MUC5AC: variants seen among roughly 807,000 people sequenced by gnomAD.
MUC5AC encodes the protein mucin 5AC, oligomeric mucus/gel-forming.
In MUC5AC, 158 loss-of-function variants were observed where a neutral mutation model predicts 169.7. The ratio of observed to expected loss-of-function variants is 0.93; its 90% CI spans 0.82 to 1.06. The LOEUF is 1.06. Among genes scored for constraint, MUC5AC ranks in the 50% least tolerant of loss-of-function variants. MUC5AC has a pLI of 0.00. For missense variants in MUC5AC, 4,359 were observed against 3,089.9 expected, an observed-to-expected ratio of 1.41 and a Z score of -9.74; for synonymous variants, 1,975 against 1,237.0, an observed-to-expected ratio of 1.60 and a Z score of -12.52.
intron 9 of MUC5AC, 27 bp from the exon 10 acceptor site, chr11:1,165,275 C>G: frequency 1.9e-6 from 3 of 1,593,362 alleles, no homozygotes; most frequent in Non-Finnish European, 2.6e-6. Context: ...AGCAGGCGCC[C>G]GTCATAGGCC....
At chr11:1,178,419 T>C in intron 24 of MUC5AC, 25 bp from the exon 25 acceptor site, 1 of 517,210 alleles carries the variant, frequency 1.9e-6, no homozygotes, top group Non-Finnish European at 3.1e-6. Context: ...TGCACCCACC[T>C]CCACCTCTCC....
intron 11 of MUC5AC, among the ~76,000 whole-genome samples, chr11:1,166,480 A>C (rs1860337301): frequency 7.9e-6 from 1 of 126,562 alleles, no homozygotes; most frequent in African/African-American, 3.2e-5. Flanking sequence ...CACCCAACAC[A>C]CAGTCTCTCC....
intron 24 of MUC5AC, 129 bp downstream of exon 24, chr11:1,177,762 A>C: frequency 1.1e-5 from 4 of 361,030 alleles, no homozygotes; most frequent in East Asian, 4.1e-5. Context: ...CGGGGTGGGA[A>C]GTGGGGGGGA....
intron 6 of MUC5AC, 31 bp from the exon 7 acceptor site, chr11:1,163,851 C>T: frequency 6.5e-7 from 1 of 1,540,234 alleles, no homozygotes. Flanking sequence ...CCGGGACCTG[C>T]AGGCAGAGCC....
intron 6 of MUC5AC, among the ~76,000 whole-genome samples, chr11:1,163,579 G>A (rs924644297): frequency 2.0e-5 from 3 of 152,186 alleles, no homozygotes; most frequent in Non-Finnish European, 4.4e-5. Flanking sequence ...CAGCCAGCCT[G>A]GCAGGAGGAG....
intron 11 of MUC5AC, among the ~76,000 whole-genome samples, chr11:1,167,360 A>G (rs1466379648): frequency 6.6e-6 from 1 of 150,748 alleles, no homozygotes; most frequent in Non-Finnish European, 1.5e-5. Flanking sequence ...ACAGTCTCCC[A>G]CAATGAGACC....
At chr11:1,162,448 C>G (rs1860171516) in intron 4 of MUC5AC, 84 bp from the exon 5 acceptor site, 2 of 1,263,710 alleles carry the variant, frequency 1.6e-6, no homozygotes, top group Non-Finnish European at 2.3e-6. Flanking sequence ...ATGACCGTGT[C>G]ACATTTGCGA....
In MUC5AC at chr11:1,199,869, G is replaced by A; in HGVS notation, c.16600G>A (p.Val5534Met). 1 of 764,176 alleles carries A rather than the reference G, an allele frequency of 1.3e-6. No homozygotes were observed. The highest frequency in any genetic ancestry group is 1.3e-5 in the South Asian group (1 of 74,376). 47.3% of individuals were successfully genotyped at this position (764,176 alleles called of 1,614,324 possible). A position where few individuals can be genotyped will look rare whatever the true frequency, so the allele number is the denominator to read the frequency against. ...TTCCTCTCCAGAGTCGACCTGTGCT[G>A]TGTACCATAGGAGCCTGATCATCCA... ...PPYQNQSTCA[V>M]YHRSLIIQQQ... The change falls in exon 48 of 49, where the codon GTG becomes ATG. Residue 5534 changes from valine (V) to methionine (M), a missense_variant. Transcript: ENST00000621226.
rs1860869299 is a variant in MUC5AC at position 1,183,938 on chromosome 11, G to A, written c.5793G>A (p.Pro1931=). ...TSTSSMSTTA[P]GTSVVSSKPT... ...CATCATCCATGTCGACCACGGCCCC[G>A]GGGACCTCTGTGGTCTCCAGCAAGC... is the stretch of plus-strand genomic sequence containing the variant. The change falls in exon 31 of 49, where the codon CCG becomes CCA. Residue 1931 remains proline (P), a synonymous_variant. Coordinates refer to ENST00000621226, the MANE Select transcript of MUC5AC (RefSeq NM_001304359.2). 3 of 397,466 alleles carry A rather than the reference G, an allele frequency of 7.5e-6. No individual in the cohort carries two copies. Among genetic ancestry groups the A allele is most frequent in the East Asian group, 3.6e-5 (1 of 28,020 alleles). The allele number at this position is 397,466 out of a possible 1,614,324, so 24.6% of individuals were successfully genotyped here. A position where few individuals can be genotyped will look rare whatever the true frequency, so the allele number is the denominator to read the frequency against.
intron 28 of MUC5AC, among the ~76,000 whole-genome samples, chr11:1,180,734 G>A (rs1860798067): frequency 6.6e-6 from 1 of 151,636 alleles, no homozygotes; most frequent in Non-Finnish European, 1.5e-5. Context: ...TGGGTGTAGG[G>A]CTCCTCTGGG....
In MUC5AC at chr11:1,167,956, G is replaced by A; in HGVS notation, c.1466G>A (p.Ser489Asn). Residue 489 changes from serine (S) to asparagine (N), a missense_variant, in exon 12 of 49, where the codon AGC (serine) becomes AAC (asparagine). By Grantham distance (46) the Ser-to-Asn change is conservative. Transcript: ENST00000621226. Reference sequence around the variant, plus strand: ...ACGGACAGCGAGACCTGCCTGAAGAGCGTGACACTGAGCCTGGATGGGGCG... The same window carrying A: ...ACGGACAGCGAGACCTGCCTGAAGAACGTGACACTGAGCCTGGATGGGGCG... ...GLTDSETCLK[S>N]VTLSLDGAQT... 6.4e-7 allele frequency: 1 copy of A among 1,550,850 alleles called. No individual in the cohort carries two copies. The highest frequency in any genetic ancestry group is 8.7e-7 in the Non-Finnish European group (1 of 1,147,380).
At chr11:1,173,638 A>T (rs1003177077) in intron 16 of MUC5AC, among the ~76,000 whole-genome samples, 99 of 149,942 alleles carry the variant, frequency 6.6e-4, no homozygotes, top group African/African-American at 2.4e-3. Context: ...CCACTCACTC[A>T]TCCACTCACT....
intron 26 of MUC5AC, among the ~76,000 whole-genome samples, chr11:1,179,641 CGGAG>C (rs1172890567): frequency 2.4e-5 from 3 of 122,898 alleles, no homozygotes; most frequent in African/African-American, 8.6e-5. Context: ...GCGTGGCTGA[CGGAG>C]GGGTCCCTGG....
rs546829482 is a variant in MUC5AC, at chr11:1,167,920, G to A, written c.1430G>A (p.Arg477Lys). Residue 477 changes from arginine (R) to lysine (K), a missense_variant, in exon 12 of 49, where the codon AGG becomes AAG. Arg to Lys is a conservative substitution (Grantham distance 26, BLOSUM62 2). Transcript: ENST00000621226. ...TTCACTGTACTGGCTGAGCTGCGCAGGTGCGGGCTGACGGACAGCGAGACC... is the reference window on the plus strand; with the variant it reads ...TTCACTGTACTGGCTGAGCTGCGCAAGTGCGGGCTGACGGACAGCGAGACC... ...SAFTVLAELRRCGLTDSETCL... is the reference protein window; with the variant it reads ...SAFTVLAELRKCGLTDSETCL... 7.4e-5 allele frequency: 114 copies of A among 1,550,696 alleles called. No individual in the cohort carries two copies. The highest frequency in any genetic ancestry group is 9.5e-5 in the Non-Finnish European group (109 of 1,147,198).
chr11:1,200,760 G>A lies in MUC5AC; in HGVS notation c.*58G>A, dbSNP rs1328666579. ...AACCTCCCATATGTCCTCTGAGCTC[G>A]GCTTCCAAGGCCAGTGGAACTTGTG... On this transcript the variant is annotated 3_prime_UTR_variant, in exon 49 of 49. Transcript: ENST00000621226. The A allele has an allele frequency of 1.5e-6, 1 of 669,430 alleles. No individual in the cohort carries two copies. Among genetic ancestry groups the A allele is most frequent in the Non-Finnish European group, 2.7e-6 (1 of 368,948 alleles). 41.5% of individuals were successfully genotyped at this position (669,430 alleles called of 1,614,324 possible).
chr11:1,160,410 G>T (rs1860103570), intron 1 of MUC5AC, among the ~76,000 whole-genome samples: 1 of 152,010 alleles, frequency 6.6e-6, no homozygotes, highest in Non-Finnish European at 1.5e-5. Context: ...GCTCCTGGAG[G>T]GTCTGGGCTC....
At chr11:1,160,221 G>A (rs1339700757) in intron 1 of MUC5AC, among the ~76,000 whole-genome samples, 1 of 152,110 alleles carries the variant, frequency 6.6e-6, no homozygotes, top group Non-Finnish European at 1.5e-5. Context: ...CCCCTCCCAT[G>A]CCTTTGACTG....
In MUC5AC at chr11:1,189,225, A is replaced by G. The variant is rs1470498858; in HGVS notation, c.11080A>G (p.Thr3694Ala). ...ACCCAGCACAACCTCTGCCCCAACAACCAGCACAACCTCTGCTCCCACAAC... is the reference window on the plus strand; with the variant it reads ...ACCCAGCACAACCTCTGCCCCAACAGCCAGCACAACCTCTGCTCCCACAAC... The part of the protein sequence containing the change: ...SIPSTTSAPT[T>A]STTSAPTTST... Residue 3694 changes from threonine (T) to alanine (A), a missense_variant, in exon 31 of 49, where the codon ACC becomes GCC. By Grantham distance (58) the Thr-to-Ala change is moderately conservative. Coordinates refer to ENST00000621226, the MANE Select transcript of MUC5AC (RefSeq NM_001304359.2). 3.4e-6 allele frequency: 2 copies of G among 594,930 alleles called. No individual in the cohort carries two copies. The highest frequency in any genetic ancestry group is 6.0e-6 in the Non-Finnish European group (2 of 334,582). The allele number at this position is 594,930 out of a possible 1,614,324, so 36.9% of individuals were successfully genotyped here. A position where few individuals can be genotyped will look rare whatever the true frequency, so the allele number is the denominator to read the frequency against.
intron 37 of MUC5AC, 119 bp from the exon 38 acceptor site, chr11:1,196,269 A>C (rs1861268457): frequency 1.5e-6 from 1 of 689,084 alleles, no homozygotes. Flanking sequence ...GGCCGTAGCC[A>C]GGCCCAGGCC....
Sources: gnomAD v4.1 joint callset for allele counts (sites outside exome capture counted in the v4.1 genomes callset) on GRCh38, gnomAD v4.1.1 for gene constraint, MANE v1.5 for transcripts, NCBI Gene and HGNC (gene_info 2026-07-23, HGNC 2026-07-21) for gene names.